Variants in ZNF644 observed in about 807,000 individuals in gnomAD.
The protein encoded by ZNF644 is zinc finger protein 644.
Under a neutral mutation model 108.0 loss-of-function variants are expected in ZNF644, and 20 were observed. The ratio of observed to expected loss-of-function variants is 0.19; its 90% CI spans 0.13 to 0.27. ZNF644 has a LOEUF of 0.27. Among genes scored for constraint, ZNF644 ranks in the 10% least tolerant of loss-of-function variants. The pLI is 1.00. For missense variants in ZNF644, 1,338 were observed against 1,548.9 expected (o/e 0.86, Z 2.29); for synonymous variants, 542 against 539.1 (o/e 1.01, Z -0.08).
chr1:91,002,169 A>G (rs357605), intron 1 of ZNF644, among the ~76,000 whole-genome samples: 53,971 of 152,010 alleles, frequency 0.36, 10,405 homozygotes, highest in Non-Finnish European at 0.44. Context: ...ACAGAACTGG[A>G]AAAAACTACT....
intron 2 of ZNF644, among the ~76,000 whole-genome samples, chr1:90,943,432 C>T (rs1366434528): frequency 6.6e-6 from 1 of 152,106 alleles, no homozygotes; most frequent in African/African-American, 2.4e-5. Context: ...CAGAGTGAGA[C>T]TCCGTCTCAA....
At chr1:90,948,673 C>T (rs963226398) in intron 2 of ZNF644, among the ~76,000 whole-genome samples, 9 of 152,152 alleles carry the variant, frequency 5.9e-5, no homozygotes, top group African/African-American at 1.9e-4. Context: ...TACAGAAAGT[C>T]GACTATATTC....
At chr1:90,951,730 T>C (rs973257696) in intron 2 of ZNF644, among the ~76,000 whole-genome samples, 1 of 152,186 alleles carries the variant, frequency 6.6e-6, no homozygotes, top group African/African-American at 2.4e-5. Context: ...CCATGCAATA[T>C]ATTTATTTAC....
chr1:90,920,968 A>G (rs184658599), intron 4 of ZNF644, among the ~76,000 whole-genome samples: 275 of 152,184 alleles, frequency 1.8e-3, no homozygotes, highest in African/African-American at 6.3e-3. Context: ...TAATGCCAAT[A>G]TCCAAACCCA....
intron 4 of ZNF644, among the ~76,000 whole-genome samples, chr1:90,933,596 G>A (rs1457655676): frequency 6.6e-6 from 1 of 152,042 alleles, no homozygotes; most frequent in African/African-American, 2.4e-5. Flanking sequence ...CCAGGGAGGT[G>A]GAGGTTGCAG....
chr1:90,955,933 C>T (rs1653711028), intron 2 of ZNF644, among the ~76,000 whole-genome samples: 1 of 152,192 alleles, frequency 6.6e-6, no homozygotes. Flanking sequence ...CCTCACTAAG[C>T]TTAATTCTAG....
intron 1 of ZNF644, among the ~76,000 whole-genome samples, chr1:90,997,690 G>C (rs1329620104): frequency 6.6e-6 from 1 of 152,138 alleles, no homozygotes; most frequent in Non-Finnish European, 1.5e-5. Context: ...ATCTCACTGG[G>C]GAGTGGTGGA....
intron 1 of ZNF644, among the ~76,000 whole-genome samples, chr1:91,009,333 G>A (rs1200263133): frequency 6.6e-6 from 1 of 151,154 alleles, no homozygotes; most frequent in African/African-American, 2.5e-5. Flanking sequence ...TAAAAAAAAA[G>A]AGGATTTAAA....
rs1302609100 is a variant in ZNF644, at chr1:90,939,762, T to G, written c.1592A>C (p.Asn531Thr). ...TTCATTTTCTGTCACTGCCATGAAGTTACACTCTTCACAGCAGTAGTACCT... is the reference window on the plus strand; with the variant it reads ...TTCATTTTCTGTCACTGCCATGAAGGTACACTCTTCACAGCAGTAGTACCT... ...DKRYYCCEEC[N>T]FMAVTENELE... The change falls in exon 3 of 6, where the codon AAC (asparagine) becomes ACC (threonine). Residue 531 changes from asparagine (N) to threonine (T), a missense_variant. Coordinates refer to ENST00000337393, the MANE Select transcript of ZNF644 (RefSeq NM_201269.3). 6.2e-7 allele frequency: 1 copy of G among 1,613,956 alleles called. No homozygotes were observed. Among genetic ancestry groups the G allele is most frequent in the Admixed American group, 1.7e-5 (1 of 60,010 alleles).
chr1:90,961,055 A>T (rs1329488036), intron 2 of ZNF644, among the ~76,000 whole-genome samples: 1 of 152,162 alleles, frequency 6.6e-6, no homozygotes, highest in Non-Finnish European at 1.5e-5. Flanking sequence ...ATGGTCACAG[A>T]TGAAGAAATG....
chr1:90,921,218 G>A (rs577216488), intron 4 of ZNF644, among the ~76,000 whole-genome samples: 1 of 152,134 alleles, frequency 6.6e-6, no homozygotes, highest in Non-Finnish European at 1.5e-5. Context: ...ACTGTACCAG[G>A]AGCCACTAGA....
At chr1:90,997,270 T>G (rs1401094701) in intron 1 of ZNF644, among the ~76,000 whole-genome samples, 1 of 152,154 alleles carries the variant, frequency 6.6e-6, no homozygotes, top group Non-Finnish European at 1.5e-5. Flanking sequence ...AACTGCCTGG[T>G]TAAGTGTTGA....
At chr1:90,988,826 A>G (rs1657362711) in intron 1 of ZNF644, among the ~76,000 whole-genome samples, 1 of 152,204 alleles carries the variant, frequency 6.6e-6, no homozygotes, top group South Asian at 2.1e-4. Flanking sequence ...GGGAAATCCA[A>G]TATCCACGTG....
At chr1:91,012,489 AAAG>A (rs1660050865) in intron 1 of ZNF644, among the ~76,000 whole-genome samples, 1 of 152,110 alleles carries the variant, frequency 6.6e-6, no homozygotes, top group Admixed American at 6.6e-5. Flanking sequence ...AAAGAAAAAA[AAAG>A]GAAGGAAAAG....
chr1:91,009,736 T>C (rs1169861102), intron 1 of ZNF644, among the ~76,000 whole-genome samples: 1 of 152,136 alleles, frequency 6.6e-6, no homozygotes, highest in Non-Finnish European at 1.5e-5. Flanking sequence ...AGCATAACTT[T>C]ATTGGTTTTC....
At chr1:90,965,019 G>A (rs144734210) in intron 2 of ZNF644, among the ~76,000 whole-genome samples, 230 of 152,176 alleles carry the variant, frequency 1.5e-3, no homozygotes, top group African/African-American at 5.1e-3. Context: ...GACCTGGAAC[G>A]TTTCATAACA....
At chr1:90,970,768 G>A (rs1655369243) in intron 2 of ZNF644, among the ~76,000 whole-genome samples, 1 of 152,060 alleles carries the variant, frequency 6.6e-6, no homozygotes, top group Non-Finnish European at 1.5e-5. Context: ...ATATATGGCT[G>A]AGGAGGGCAG....
At chr1:90,934,587 G>A (rs1480567379) in intron 4 of ZNF644, among the ~76,000 whole-genome samples, 1 of 152,164 alleles carries the variant, frequency 6.6e-6, no homozygotes, top group East Asian at 1.9e-4. Flanking sequence ...TTACATATAA[G>A]TAAGCTAATA....
chr1:90,964,449 G>C (rs951925986), intron 2 of ZNF644, among the ~76,000 whole-genome samples: 6 of 151,890 alleles, frequency 4.0e-5, no homozygotes, highest in African/African-American at 1.4e-4. Context: ...ACTAAGCCTT[G>C]GTTTATATTT....
Sources: allele counts gnomAD v4.1 joint callset (sites outside exome capture counted in the v4.1 genomes callset), GRCh38; gene constraint gnomAD v4.1.1; transcripts MANE v1.5; gene names NCBI Gene and HGNC (gene_info 2026-07-23, HGNC 2026-07-21).